POU6F2: variants seen among roughly 807,000 people sequenced by gnomAD.
POU6F2 encodes POU domain, class 6, transcription factor 2.
Under a neutral mutation model 71.3 loss-of-function variants are expected in POU6F2, and 31 were observed. That is an observed-to-expected ratio of 0.43 (90% confidence interval 0.33 to 0.59). The LOEUF (loss-of-function observed/expected upper bound fraction) is 0.59. Among genes scored for constraint, POU6F2 ranks in the 20% least tolerant of loss-of-function variants. POU6F2 has a pLI of 0.04. For missense variants in POU6F2, 783 were observed against 856.8 expected, an observed-to-expected ratio of 0.91 and a Z score of 1.07; for synonymous variants, 347 against 355.7, an observed-to-expected ratio of 0.98 and a Z score of 0.27.
intron 4 of POU6F2, among the ~76,000 whole-genome samples, chr7:39,238,569 T>C (rs1794719141): frequency 6.6e-6 from 1 of 152,206 alleles, no homozygotes; most frequent in Non-Finnish European, 1.5e-5. Context: ...ATAATTGCCA[T>C]CTGGCCTTTT....
chr7:39,429,533 C>T (rs2116011754), intron 6 of POU6F2, among the ~76,000 whole-genome samples: 1 of 152,316 alleles, frequency 6.6e-6, no homozygotes, highest in East Asian at 1.9e-4. Context: ...GCCCCAGCTG[C>T]ATCTTCTTGG....
intron 1 of POU6F2, among the ~76,000 whole-genome samples, chr7:39,064,658 G>A (rs2128716709): frequency 6.6e-6 from 1 of 151,918 alleles, no homozygotes; most frequent in East Asian, 1.9e-4. Flanking sequence ...AAATTTCTCT[G>A]TAAGATATGA....
At chr7:39,256,783 A>G (rs1784032644) in intron 4 of POU6F2, among the ~76,000 whole-genome samples, 1 of 152,188 alleles carries the variant, frequency 6.6e-6, no homozygotes. Flanking sequence ...TTGGACGAAT[A>G]GAGCCCCTTC....
intron 4 of POU6F2, among the ~76,000 whole-genome samples, chr7:39,270,182 G>A (rs1171200879): frequency 6.6e-6 from 1 of 152,188 alleles, no homozygotes; most frequent in African/African-American, 2.4e-5. Context: ...CAAGTCACAT[G>A]CCTAAGGCTT....
chr7:39,058,117 C>A (rs577156140), intron 1 of POU6F2, among the ~76,000 whole-genome samples: 1 of 152,158 alleles, frequency 6.6e-6, no homozygotes, highest in Non-Finnish European at 1.5e-5. Flanking sequence ...AAGCTAGAAA[C>A]AGCATCTAAT....
chr7:39,113,159 C>T (rs1427676069), intron 2 of POU6F2, among the ~76,000 whole-genome samples: 1 of 152,054 alleles, frequency 6.6e-6, no homozygotes, highest in East Asian at 1.9e-4. Context: ...CTCTTGGTAC[C>T]CACTTTATGA....
chr7:39,404,699 T>C (rs576765992), intron 5 of POU6F2: 3 of 152,290 alleles, frequency 2.0e-5, no homozygotes, highest in South Asian at 4.2e-4. Context: ...AACATGGCAA[T>C]TGACAGATGA....
At chr7:39,160,580 ACCT>A (rs1432003780) in intron 2 of POU6F2, among the ~76,000 whole-genome samples, 1 of 151,846 alleles carries the variant, frequency 6.6e-6, no homozygotes, top group Non-Finnish European at 1.5e-5. Flanking sequence ...TCTAAAACTG[ACCT>A]CCTGCTTTCC....
At position 39,423,583 on chromosome 7, in the gene POU6F2, C is replaced by T. The variant is rs1034089687; in HGVS notation, c.1114-9494C>T. Among the ~76,000 whole-genome samples, 4 of 152,110 alleles carry T rather than the reference C, an allele frequency of 2.6e-5. No homozygotes were observed. The East Asian group carries it at 7.7e-4, about 29-fold the overall frequency. ...ACAGAATAAAGCAGAGGGATTCTGC[C>T]AGTGAAAATGCTGCCACTGTCTATA... is the stretch of plus-strand genomic sequence containing the variant. On this transcript the variant is annotated intron_variant, in intron 6 of 9. Coordinates refer to ENST00000518318, the MANE Select transcript of POU6F2 (RefSeq NM_001370959.1).
intron 4 of POU6F2, among the ~76,000 whole-genome samples, chr7:39,231,245 A>T (rs747449231): frequency 7.2e-5 from 11 of 152,180 alleles, no homozygotes; most frequent in Non-Finnish European, 1.3e-4. Flanking sequence ...TGATAAGAAA[A>T]GCATCTTAAT....
At chr7:39,166,935 A>C (rs1793126781) in intron 2 of POU6F2, among the ~76,000 whole-genome samples, 1 of 152,218 alleles carries the variant, frequency 6.6e-6, no homozygotes, top group African/African-American at 2.4e-5. Context: ...GACAAACTAC[A>C]TTTTGGGAAA....
chr7:39,426,035 C>T (rs1178371994), intron 6 of POU6F2, among the ~76,000 whole-genome samples: 3 of 152,172 alleles, frequency 2.0e-5, no homozygotes, highest in Admixed American at 6.5e-5. Context: ...TAACTTAAAA[C>T]GCCGTTAGCA....
intron 4 of POU6F2, among the ~76,000 whole-genome samples, chr7:39,311,617 T>G (rs1359265283): frequency 6.6e-6 from 1 of 152,216 alleles, no homozygotes; most frequent in Admixed American, 6.5e-5. Context: ...ATAAATGATG[T>G]TACAGCATTA....
At chr7:39,039,358 A>T (rs959209855) in intron 1 of POU6F2, among the ~76,000 whole-genome samples, 1 of 151,988 alleles carries the variant, frequency 6.6e-6, no homozygotes, top group African/African-American at 2.4e-5. Context: ...CTTATTAGTC[A>T]ATTTCCATTG....
intron 3 of POU6F2, among the ~76,000 whole-genome samples, chr7:39,204,770 A>G (rs1010142319): frequency 1.3e-5 from 2 of 152,206 alleles, no homozygotes; most frequent in East Asian, 3.8e-4. Flanking sequence ...GGGTTTGACA[A>G]TACTGTACAT....
rs1429167244 is a variant in POU6F2 at position 39,015,997 on chromosome 7, T to TTATATATATTATATATA, written c.105+37939_105+37940insTATATATATTATATATA. 8.2e-4 allele frequency among the ~76,000 whole-genome samples: 29 copies of TTATATATATTATATATA among 35,548 alleles called. 5 individuals carry two copies. The highest frequency in any genetic ancestry group is 2.6e-3 in the African/African-American group (29 of 10,966). 23.3% of individuals were successfully genotyped at this position (35,548 alleles called of 152,430 possible). On this transcript the variant is annotated intron_variant, in intron 1 of 9. Transcript: ENST00000518318. ...ATTATATATAGATATATATAATATATAGATATATATTATATATTATATATA... is the reference window on the plus strand; with the variant it reads ...ATTATATATAGATATATATAATATATTATATATATTATATATAAGATATATATTATATATTATATATA...
At chr7:39,390,852 G>T (rs1458448921) in intron 5 of POU6F2, among the ~76,000 whole-genome samples, 4 of 147,766 alleles carry the variant, frequency 2.7e-5, no homozygotes, top group Admixed American at 2.7e-4. Context: ...TTGTTTTTTG[G>T]TTTTTTTTTT....
chr7:39,312,122 A>G (rs997264077), intron 4 of POU6F2, among the ~76,000 whole-genome samples: 3 of 152,162 alleles, frequency 2.0e-5, no homozygotes, highest in Non-Finnish European at 4.4e-5. Context: ...GAGGATAGAC[A>G]TTGGTGATCC....
At chr7:39,270,711 C>T (rs1483458083) in intron 4 of POU6F2, among the ~76,000 whole-genome samples, 2 of 152,004 alleles carry the variant, frequency 1.3e-5, no homozygotes, top group Non-Finnish European at 2.9e-5. Flanking sequence ...CCTGGAGGGT[C>T]GCGGAGTCCC....
Sources: allele counts gnomAD v4.1 joint callset (sites outside exome capture counted in the v4.1 genomes callset), GRCh38; gene constraint gnomAD v4.1.1; transcripts MANE v1.5; gene names NCBI Gene and HGNC (gene_info 2026-07-23, HGNC 2026-07-21).